The following CDH18 variants were observed in gnomAD, a reference collection of about 807,000 sequenced individuals.
CDH18 encodes the protein cadherin 18.
CDH18 carries 31 observed loss-of-function variants against 67.9 expected under a neutral mutation model. The ratio of observed to expected loss-of-function variants is 0.46; its 90% confidence interval spans 0.34 to 0.62. CDH18 has a LOEUF of 0.62. Ranked by LOEUF, CDH18 falls within the 20% of genes least tolerant of loss-of-function variation. The pLI is 0.01. For missense variants in CDH18, 890 were observed against 975.5 expected, an observed-to-expected ratio of 0.91 and a Z score of 1.17; for synonymous variants, 362 against 347.2, an observed-to-expected ratio of 1.04 and a Z score of -0.48.
chr5:19,886,946 T>C (rs144517903), intron 2 of CDH18, among the ~76,000 whole-genome samples: 2,805 of 152,244 alleles, frequency 0.018, 84 homozygotes, highest in African/African-American at 0.065. Flanking sequence ...TACATTGCTA[T>C]ATATTATTGC....
At chr5:20,112,738 T>G (rs140962639) in intron 2 of CDH18, among the ~76,000 whole-genome samples, 1 of 152,238 alleles carries the variant, frequency 6.6e-6, no homozygotes, top group African/African-American at 2.4e-5. Context: ...TAAAATAAAA[T>G]AAAAGTCATT....
intron 9 of CDH18, among the ~76,000 whole-genome samples, chr5:19,537,549 CAGAAG>C (rs1291398751): frequency 1.3e-5 from 2 of 152,082 alleles, no homozygotes; most frequent in East Asian, 3.9e-4. Context: ...CATTTGGAAT[CAGAAG>C]AGAATATGCA....
intron 5 of CDH18, among the ~76,000 whole-genome samples, chr5:19,690,178 C>T (rs1408432128): frequency 2.0e-5 from 3 of 151,092 alleles, no homozygotes; most frequent in Non-Finnish European, 4.4e-5. Context: ...GCATGGAAAT[C>T]AATCAACTTG....
At chr5:20,152,182 T>C (rs944288272) in intron 2 of CDH18, among the ~76,000 whole-genome samples, 18 of 112,182 alleles carry the variant, frequency 1.6e-4, no homozygotes, top group African/African-American at 5.0e-4. Context: ...TACATATAAT[T>C]ATATATAATA....
chr5:20,258,088 T>C (rs1187549501), intron 1 of CDH18, among the ~76,000 whole-genome samples: 1 of 152,132 alleles, frequency 6.6e-6, no homozygotes, highest in African/African-American at 2.4e-5. Context: ...CTAAAGTCCC[T>C]ACAGGTTGTC....
intron 9 of CDH18, among the ~76,000 whole-genome samples, chr5:19,538,505 C>G (rs989989769): frequency 6.6e-6 from 1 of 152,118 alleles, no homozygotes; most frequent in Non-Finnish European, 1.5e-5. Context: ...CTTTATCGCA[C>G]TCATAATGTC....
chr5:20,092,148 T>C (rs1386537578), intron 2 of CDH18, among the ~76,000 whole-genome samples: 1 of 152,124 alleles, frequency 6.6e-6, no homozygotes, highest in East Asian at 1.9e-4. Context: ...ACCGGGGGCT[T>C]GACAAAGTAC....
chr5:19,483,313 G>A lies in CDH18; in HGVS notation c.1870C>T (p.Leu624Phe), dbSNP rs772538318. Reference protein sequence around the residue: ...GALIAILLCVLILLAIVVLFI... With the variant: ...GALIAILLCVFILLAIVVLFI... ...TAGAATGACTTACCCAGGAGAATGA[G>A]AACACAGAGAAGAATAGCGATTAAG... Residue 624 changes from leucine to phenylalanine, a missense_variant, in exon 12 of 13, where the codon CTC becomes TTC. Transcript: ENST00000382275. 8.7e-6 allele frequency: 14 copies of A among 1,613,118 alleles called. No homozygotes were observed. The highest frequency in any genetic ancestry group is 1.3e-5 in the African/African-American group (1 of 74,990).
At chr5:20,449,567 C>A (rs985107711) in intron 1 of CDH18, among the ~76,000 whole-genome samples, 3 of 151,830 alleles carry the variant, frequency 2.0e-5, no homozygotes, top group Non-Finnish European at 4.4e-5. Flanking sequence ...TATAATACCC[C>A]CTTTCGTATT....
intron 2 of CDH18, among the ~76,000 whole-genome samples, chr5:20,020,768 C>A (rs1236541163): frequency 6.6e-6 from 1 of 152,134 alleles, no homozygotes; most frequent in African/African-American, 2.4e-5. Flanking sequence ...CATGGAGAAT[C>A]TCTACTAGGG....
chr5:20,490,487 G>C (rs73764427), intron 1 of CDH18, among the ~76,000 whole-genome samples: 11 of 152,026 alleles, frequency 7.2e-5, no homozygotes, highest in Admixed American at 2.0e-4. Context: ...CTATTAGAAG[G>C]CTTCATTAGG....
intron 11 of CDH18, among the ~76,000 whole-genome samples, chr5:19,489,461 C>G (rs144659708): frequency 1.4e-4 from 21 of 152,022 alleles, no homozygotes; most frequent in South Asian, 2.1e-4. Context: ...GTTGGCCAGG[C>G]TGGTCTCAAA....
At chr5:19,863,652 T>C (rs796789154) in intron 2 of CDH18, among the ~76,000 whole-genome samples, 1 of 152,146 alleles carries the variant, frequency 6.6e-6, no homozygotes, top group African/African-American at 2.4e-5. Flanking sequence ...TCCTCCCTTC[T>C]CTATCCACCA....
intron 1 of CDH18, among the ~76,000 whole-genome samples, chr5:20,400,404 G>A (rs1745655031): frequency 6.6e-6 from 1 of 151,988 alleles, no homozygotes; most frequent in Non-Finnish European, 1.5e-5. Context: ...CTTGAAGCCA[G>A]GAGACGGAGG....
chr5:19,919,634 T>C (rs1469992017), intron 2 of CDH18, among the ~76,000 whole-genome samples: 1 of 152,214 alleles, frequency 6.6e-6, no homozygotes, highest in East Asian at 1.9e-4. Context: ...GGGTAGTAGA[T>C]ATGGAATTTG....
At chr5:19,541,646 G>A (rs889756235) in intron 9 of CDH18, among the ~76,000 whole-genome samples, 7 of 152,170 alleles carry the variant, frequency 4.6e-5, no homozygotes, top group African/African-American at 1.7e-4. Context: ...GCAAGAGAGA[G>A]CGTGTGCAGG....
chr5:20,248,649 G>A (rs1323205717), intron 2 of CDH18, among the ~76,000 whole-genome samples: 2 of 152,188 alleles, frequency 1.3e-5, no homozygotes, highest in Admixed American at 6.5e-5. Context: ...ACAAAAATAA[G>A]TCAACCCTGT....
intron 1 of CDH18, among the ~76,000 whole-genome samples, chr5:20,415,568 T>C (rs773914308): frequency 5.3e-5 from 8 of 151,444 alleles, no homozygotes; most frequent in African/African-American, 1.9e-4. Context: ...GGTCAGGAGA[T>C]TGAGACCAAC....
At chr5:20,375,266 G>T (rs1256121350) in intron 1 of CDH18, among the ~76,000 whole-genome samples, 1 of 152,122 alleles carries the variant, frequency 6.6e-6, no homozygotes, top group Admixed American at 6.5e-5. Context: ...AAACCTGAAT[G>T]CTGGGGACAA....
Sources: allele counts gnomAD v4.1 joint callset (sites outside exome capture counted in the v4.1 genomes callset), GRCh38; gene constraint gnomAD v4.1.1; transcripts MANE v1.5; gene names NCBI Gene and HGNC (gene_info 2026-07-23, HGNC 2026-07-21).